The following STOML2 variants were observed in gnomAD, a reference collection of about 807,000 sequenced individuals.
The protein encoded by STOML2 is stomatin-like protein 2, mitochondrial.
A neutral mutation model predicts 45.7 loss-of-function variants in STOML2; 22 were observed. The observed-to-expected ratio is 0.48, with a 90% CI of 0.34 to 0.69. The LOEUF is 0.69. Among genes scored for constraint, STOML2 ranks in the 30% least tolerant of loss-of-function variants. The pLI, the probability that STOML2 is intolerant of heterozygous loss-of-function variation, is 0.01. For synonymous variants in STOML2, 181 were observed against 182.7 expected, an observed-to-expected ratio of 0.99 and a Z score of 0.08; for missense variants, 359 against 466.9, an observed-to-expected ratio of 0.77 and a Z score of 2.13.
Position 35,102,494 on chromosome 9 carries a change from T to C in STOML2, c.183+192A>G. The C allele has an allele frequency of 1.1e-6, 1 of 921,956 alleles. No homozygotes were observed. The highest frequency in any genetic ancestry group is 1.6e-6 in the Non-Finnish European group (1 of 616,948). The allele number at this position is 921,956 out of a possible 1,614,324, so 57.1% of individuals were successfully genotyped here. ...AGTGGGCAGGGGAGATTCCCAAGAA[T>C]GGGGCCTGTGAGATGCATAGGAAAA... On this transcript the variant is annotated intron_variant, in intron 2 of 9. Transcript: ENST00000356493. This position sits in a 1 kb window ranked among gnomAD's most constrained non-coding sequence, Gnocchi z 4.8.
At chr9:35,103,024 C>T (rs780546173) in intron 1 of STOML2, 26 bp downstream of exon 1, 1 of 1,614,032 alleles carries the variant, frequency 6.2e-7, no homozygotes, top group Non-Finnish European at 8.5e-7. Context: ...TGTCCTGACC[C>T]TCTGGAAAGG....
In STOML2 at chr9:35,100,080, T is replaced by G. The variant is rs568994037; in HGVS notation, c.1026A>C (p.Thr342=). 35 of 1,614,256 alleles carry G rather than the reference T, an allele frequency of 2.2e-5. No homozygotes were observed. In the South Asian group the frequency reaches 3.7e-4, roughly 17 times the overall value. The change falls in exon 10 of 10, where the codon ACA becomes ACC. Residue 342 remains threonine (T), a synonymous_variant. Coordinates refer to ENST00000356493, the MANE Select transcript of STOML2 (RefSeq NM_013442.3). Reference sequence around the variant, plus strand: ...CAAGTTCCTCATCAAGACTTGCATCTGTACCCTGGACATCTCTGCTGCTCC... The same window carrying G: ...CAAGTTCCTCATCAAGACTTGCATCGGTACCCTGGACATCTCTGCTGCTCC... ...SSGSSRDVQG[T]DASLDEELDR... is the part of the protein sequence containing the mutation.
chr9:35,100,825 A>T (rs1327216274), intron 8 of STOML2, 99 bp from the exon 9 acceptor site: 1 of 1,611,014 alleles, frequency 6.2e-7, no homozygotes, highest in Admixed American at 1.7e-5. Flanking sequence ...AGGACCATGT[A>T]ATCTGGCTCA....
chr9:35,100,791 T>C (rs1368856660), intron 8 of STOML2, 65 bp from the exon 9 acceptor site: 6 of 1,613,020 alleles, frequency 3.7e-6, no homozygotes, highest in African/African-American at 1.3e-5. Context: ...GGATGGGGAA[T>C]GAAGAAAGCA....
At chr9:35,100,826 A>C (rs972702790) in intron 8 of STOML2, 100 bp from the exon 9 acceptor site, 1 of 1,611,114 alleles carries the variant, frequency 6.2e-7, no homozygotes, top group Admixed American at 1.7e-5. Flanking sequence ...GGACCATGTA[A>C]TCTGGCTCAA....
chr9:35,101,347 T>G lies in STOML2; in HGVS notation c.580-68A>C. On this transcript the variant is annotated intron_variant, in intron 6 of 9. Coordinates refer to ENST00000356493, the MANE Select transcript of STOML2 (RefSeq NM_013442.3). This position sits in a 1 kb window ranked among gnomAD's most constrained non-coding sequence, Gnocchi z 4.3. ...TGATACAGACATGCAACTCTACCCA[T>G]CATAACAGGAGGGAAGTCTGGATCC... is the stretch of plus-strand genomic sequence containing the variant. 2 of 1,612,488 alleles carry G rather than the reference T, an allele frequency of 1.2e-6. No individual in the cohort carries two copies. Among genetic ancestry groups the G allele is most frequent in the Non-Finnish European group, 1.7e-6 (2 of 1,179,044 alleles).
Position 35,101,325 on chromosome 9 carries a change from T to TA in STOML2, c.580-47dup. 6.2e-7 allele frequency: 1 copy of TA among 1,613,732 alleles called. No homozygotes were observed. Among genetic ancestry groups the TA allele is most frequent in the Non-Finnish European group, 8.5e-7 (1 of 1,179,664 alleles). Reference sequence around the variant, plus strand: ...CAATCAACAAGCCAAGGGAGACTGATACAGACATGCAACTCTACCCATCAT... The same window carrying TA: ...CAATCAACAAGCCAAGGGAGACTGATAACAGACATGCAACTCTACCCATCAT... On this transcript the variant is annotated intron_variant, in intron 6 of 9. Coordinates refer to ENST00000356493, the MANE Select transcript of STOML2 (RefSeq NM_013442.3). This position sits in a 1 kb window ranked among gnomAD's most constrained non-coding sequence, Gnocchi z 4.3.
chr9:35,100,657 C>G lies in STOML2; in HGVS notation c.874G>C (p.Asp292His). The G allele has an allele frequency of 6.2e-7, 1 of 1,614,122 alleles. No individual in the cohort carries two copies. Among genetic ancestry groups the G allele is most frequent in the Non-Finnish European group, 8.5e-7 (1 of 1,180,030 alleles). Reference sequence around the variant, plus strand: ...GAGGGCAGTAGGATAGTGTTGGAGTCCTTGGCCAGTTTGGAGAACGCGCTG... The same window carrying G: ...GAGGGCAGTAGGATAGTGTTGGAGTGCTTGGCCAGTTTGGAGAACGCGCTG... ...YVSAFSKLAKDSNTILLPSNP... is the reference protein window; with the variant it reads ...YVSAFSKLAKHSNTILLPSNP... The change falls in exon 9 of 10, where the codon GAC (aspartate) becomes CAC (histidine). Residue 292 changes from aspartate to histidine, a missense_variant. Physicochemically the swap from Asp to His is moderately conservative, Grantham distance 81. This residue lies in a region of STOML2 where 285 missense variants were observed against 422.0 expected (regional missense o/e 0.68). Transcript: ENST00000356493.
Position 35,102,636 on chromosome 9 carries a change from G to A in STOML2, c.183+50C>T, listed in dbSNP as rs1432728402. ...AAGTCCTCCCGACATTGCATGTCGT[G>A]AGGGATTGGTCATCTGGCTGGCCCA... On this transcript the variant is annotated intron_variant, in intron 2 of 9. Coordinates refer to ENST00000356493, the MANE Select transcript of STOML2 (RefSeq NM_013442.3). The surrounding 1 kb of genome is among the most constrained non-coding windows in gnomAD (Gnocchi z 4.8). 6.2e-7 allele frequency: 1 copy of A among 1,603,606 alleles called. No homozygotes were observed. Among genetic ancestry groups the A allele is most frequent in the African/African-American group, 1.3e-5 (1 of 74,620 alleles).
Position 35,101,739 on chromosome 9 carries a change from C to T in STOML2, c.415G>A (p.Gly139Ser), listed in dbSNP as rs769559265. Residue 139 changes from glycine (G) to serine (S), a missense_variant, in exon 5 of 10, where the codon GGC becomes AGC. By Grantham distance (56) the Gly-to-Ser change is moderately conservative. Around this residue, in one of 2 missense-constraint regions of STOML2, gnomAD observed 285 missense variants for 422.0 expected, o/e 0.68. Transcript: ENST00000356493. This position sits in a 1 kb window ranked among gnomAD's most constrained non-coding sequence, Gnocchi z 4.3. ...AAGACTTTGTCCAGAGAGAGTTTGC[C>T]GAGCTCTGATCTCATGGTTGTTTGA... is the stretch of plus-strand genomic sequence containing the variant. ...LAQTTMRSEL[G>S]KLSLDKVFRE... The T allele has an allele frequency of 1.6e-5, 26 of 1,614,082 alleles. No individual in the cohort carries two copies. Among genetic ancestry groups the T allele is most frequent in the Non-Finnish European group, 2.2e-5 (26 of 1,180,018 alleles).
intron 9 of STOML2, 56 bp from the exon 10 acceptor site, chr9:35,100,228 G>C: frequency 6.3e-7 from 1 of 1,594,862 alleles, no homozygotes; most frequent in Admixed American, 1.7e-5. Flanking sequence ...GTGCAGCCCA[G>C]CCTACCAATG....
In STOML2 at chr9:35,101,154, T is replaced by G; in HGVS notation, c.705A>C (p.Glu235Asp). 1 of 1,614,218 alleles carries G rather than the reference T, an allele frequency of 6.2e-7. No homozygotes were observed. The part of the protein sequence containing the change: ...QILASEAEKA[E>D]QINQAAGEAS... ...CCTGACCTGCTGCCTGATTTATCTG[T>G]TCAGCCTTTTCTGCTTCGGAGGCCA... Residue 235 changes from glutamate (E) to aspartate (D), a missense_variant, in exon 7 of 10, where the codon GAA (glutamate) becomes GAC (aspartate). Glu to Asp is a conservative substitution (Grantham distance 45). This residue lies in a region of STOML2 where 285 missense variants were observed against 422.0 expected (regional missense o/e 0.68). Transcript: ENST00000356493. The surrounding 1 kb of genome is among the most constrained non-coding windows in gnomAD (Gnocchi z 4.3).
At chr9:35,103,172 C>T, upstream of STOML2, 1 of 1,563,924 alleles carries the variant, frequency 6.4e-7, no homozygotes, top group Admixed American at 1.8e-5. Context: ...CGAGCCTTTC[C>T]TCTTGCAGTT....
rs1729153509 is a variant in STOML2, at chr9:35,099,788, C to T, written c.*247G>A. On this transcript the variant is annotated 3_prime_UTR_variant, in exon 10 of 10. Transcript: ENST00000356493. ...AGACAAAAATGATAGTTTCACTTTA[C>T]AAGAAGTTCACTCTTATTCATGGAG... The T allele has an allele frequency of 4.5e-6, 2 of 448,422 alleles. No homozygotes were observed. Among genetic ancestry groups the T allele is most frequent in the Non-Finnish European group, 8.2e-6 (2 of 244,996 alleles). The allele number at this position is 448,422 out of a possible 1,614,324, so 27.8% of individuals were successfully genotyped here.
At position 35,101,116 on chromosome 9, in the gene STOML2, G is replaced by A; in HGVS notation, c.724+19C>T. 1.2e-6 allele frequency: 2 copies of A among 1,614,150 alleles called. No individual in the cohort carries two copies. Among genetic ancestry groups the A allele is most frequent in the Non-Finnish European group, 1.7e-6 (2 of 1,180,008 alleles). ...AGGCCCATGCCTTGCTCCTCCCTCAGCCTCTACCCTCTCCTGACCTGCTGC... is the reference window on the plus strand; with the variant it reads ...AGGCCCATGCCTTGCTCCTCCCTCAACCTCTACCCTCTCCTGACCTGCTGC... On this transcript the variant is annotated intron_variant, in intron 7 of 9. Coordinates refer to ENST00000356493, the MANE Select transcript of STOML2 (RefSeq NM_013442.3). The surrounding 1 kb of genome is among the most constrained non-coding windows in gnomAD (Gnocchi z 4.3).
rs183530550 is a variant in STOML2 at position 35,102,476 on chromosome 9, A to T, written c.183+210T>A. 1.3e-6 allele frequency: 1 copy of T among 795,654 alleles called. No individual in the cohort carries two copies. The highest frequency in any genetic ancestry group is 2.0e-6 in the Non-Finnish European group (1 of 508,892). 49.3% of individuals were successfully genotyped at this position (795,654 alleles called of 1,614,324 possible). A position where few individuals can be genotyped will look rare whatever the true frequency, so the allele number is the denominator to read the frequency against. On this transcript the variant is annotated intron_variant, in intron 2 of 9. Transcript: ENST00000356493. The surrounding 1 kb of genome is among the most constrained non-coding windows in gnomAD (Gnocchi z 4.8). ...CTGAGAGGTAGGGCTGAGAGTGGGC[A>T]GGGGAGATTCCCAAGAATGGGGCCT... is the stretch of plus-strand genomic sequence containing the variant.
Position 35,102,259 on chromosome 9 carries a change from C to A in STOML2, c.184-65G>T. Reference sequence around the variant, plus strand: ...TATTGGGTTGGGACCTAAGCTAGTCCTGGAGTATGTAGGGAGTCAACACAT... The same window carrying A: ...TATTGGGTTGGGACCTAAGCTAGTCATGGAGTATGTAGGGAGTCAACACAT... On this transcript the variant is annotated intron_variant, in intron 2 of 9. Coordinates refer to ENST00000356493, the MANE Select transcript of STOML2 (RefSeq NM_013442.3). The surrounding 1 kb of genome is among the most constrained non-coding windows in gnomAD (Gnocchi z 4.8). The A allele has an allele frequency of 7.1e-7, 1 of 1,410,000 alleles. No individual in the cohort carries two copies. The highest frequency in any genetic ancestry group is 9.9e-7 in the Non-Finnish European group (1 of 1,005,482). 87.3% of individuals were successfully genotyped at this position (1,410,000 alleles called of 1,614,324 possible).
Position 35,099,910 on chromosome 9 carries a change from G to T in STOML2, c.*125C>A. 2 of 1,187,428 alleles carry T rather than the reference G, an allele frequency of 1.7e-6. No homozygotes were observed. The highest frequency in any genetic ancestry group is 2.4e-6 in the Non-Finnish European group (2 of 847,282). 73.6% of individuals were successfully genotyped at this position (1,187,428 alleles called of 1,614,324 possible). A position where few individuals can be genotyped will look rare whatever the true frequency, so the allele number is the denominator to read the frequency against. On this transcript the variant is annotated 3_prime_UTR_variant, in exon 10 of 10. Transcript: ENST00000356493. ...GGACAGTTTCTGGTTTGCCACTGGT[G>T]AGTTTATTACACGACTAAAGTTCAA...
In STOML2 at chr9:35,102,975, G is replaced by C. The variant is rs1829856495; in HGVS notation, c.45+75C>G. 1 of 1,600,392 alleles carries C rather than the reference G, an allele frequency of 6.2e-7. No homozygotes were observed. The highest frequency in any genetic ancestry group is 1.3e-5 in the African/African-American group (1 of 74,536). On this transcript the variant is annotated intron_variant, in intron 1 of 9. Coordinates refer to ENST00000356493, the MANE Select transcript of STOML2 (RefSeq NM_013442.3). The surrounding 1 kb of genome is among the most constrained non-coding windows in gnomAD (Gnocchi z 4.8). Reference sequence around the variant, plus strand: ...TGACCCCAGTCCTCTCCAAAAGTTGGAATTTCGCTCTTTTCCAGCGGAGAA... The same window carrying C: ...TGACCCCAGTCCTCTCCAAAAGTTGCAATTTCGCTCTTTTCCAGCGGAGAA...
Sources: allele counts gnomAD v4.1 joint callset, GRCh38; gene constraint gnomAD v4.1.1; regional missense constraint gnomAD v4.1.1; non-coding constraint Gnocchi (gnomAD v3.1); transcripts MANE v1.5; gene names NCBI Gene and HGNC (gene_info 2026-07-23, HGNC 2026-07-21).